Variants in RBFOX2 observed in about 807,000 individuals in gnomAD.
The protein encoded by RBFOX2 is RNA binding protein fox-1 homolog 2.
In RBFOX2, 10 loss-of-function variants were observed where a neutral mutation model predicts 49.1. That is an observed-to-expected ratio of 0.20 (90% CI 0.13 to 0.35). The LOEUF is 0.35. Among genes scored for constraint, RBFOX2 ranks in the 10% least tolerant of loss-of-function variants. The pLI is 1.00. For synonymous variants in RBFOX2, 183 were observed against 187.4 expected (o/e 0.98, Z 0.19); for missense variants, 323 against 486.9 (o/e 0.66, Z 3.17).
chr22:35,897,688 G>A (rs1056019653), intron 1 of RBFOX2: 1 of 1,170,722 alleles, frequency 8.5e-7, no homozygotes, highest in Non-Finnish European at 1.3e-6. Flanking sequence ...GACGTATACT[G>A]GTTGTTTAAC....
intron 1 of RBFOX2, among the ~76,000 whole-genome samples, chr22:36,013,994 A>G (rs1439803539): frequency 1.3e-5 from 2 of 151,996 alleles, no homozygotes; most frequent in Non-Finnish European, 2.9e-5. Flanking sequence ...CAGCATCACA[A>G]CGTCTGCTTA....
chr22:35,806,043 T>C (rs1315058135), intron 2 of RBFOX2, among the ~76,000 whole-genome samples: 1 of 152,192 alleles, frequency 6.6e-6, no homozygotes, highest in African/African-American at 2.4e-5. Context: ...TTACTTTTTG[T>C]GATGCTATAA....
intron 1 of RBFOX2, among the ~76,000 whole-genome samples, chr22:35,875,605 A>AGG (rs3220048): frequency 0.012 from 1,262 of 108,872 alleles, 6 homozygotes; most frequent in South Asian, 0.02. Context: ...AATGCTCACA[A>AGG]GGGTGTGTGT....
At chr22:35,822,085 CCT>C (rs1328973879) in intron 1 of RBFOX2, 1 of 448,618 alleles carries the variant, frequency 2.2e-6, no homozygotes, top group Non-Finnish European at 4.5e-6. Context: ...CTCCTGCTTT[CCT>C]GAGATGGTAC....
At chr22:35,908,289 T>C (rs569244211) in intron 1 of RBFOX2, among the ~76,000 whole-genome samples, 13 of 152,314 alleles carry the variant, frequency 8.5e-5, no homozygotes, top group Middle Eastern at 3.4e-3. Context: ...CAACTTACAA[T>C]GGGATTTTGT....
chr22:35,984,104 C>T (rs1358297920), intron 1 of RBFOX2, among the ~76,000 whole-genome samples: 1 of 152,106 alleles, frequency 6.6e-6, no homozygotes, highest in Admixed American at 6.5e-5. Context: ...TTACAACAAG[C>T]TTCAAAAATC....
At chr22:35,945,602 G>A (rs893116582) in intron 1 of RBFOX2, among the ~76,000 whole-genome samples, 2 of 152,018 alleles carry the variant, frequency 1.3e-5, no homozygotes, top group African/African-American at 2.4e-5. Context: ...CACTACACCC[G>A]GCTAATTTTG....
intron 1 of RBFOX2, among the ~76,000 whole-genome samples, chr22:35,919,763 A>G (rs2050826565): frequency 6.6e-6 from 1 of 152,218 alleles, no homozygotes; most frequent in African/African-American, 2.4e-5. Context: ...GGAAATTTTA[A>G]TGAGGGAACT....
chr22:35,797,261 T>C (rs576894645), intron 2 of RBFOX2, among the ~76,000 whole-genome samples: 27 of 152,278 alleles, frequency 1.8e-4, no homozygotes, highest in African/African-American at 6.5e-4. Flanking sequence ...AACTAATATA[T>C]TTGAGTGCCA....
chr22:35,975,849 G>A (rs2057120118), intron 1 of RBFOX2, among the ~76,000 whole-genome samples: 1 of 152,120 alleles, frequency 6.6e-6, no homozygotes, highest in Non-Finnish European at 1.5e-5. Context: ...TAATTCTGCT[G>A]TCATTCCAGA....
At chr22:35,984,214 T>C (rs1320020732) in intron 1 of RBFOX2, among the ~76,000 whole-genome samples, 2 of 152,162 alleles carry the variant, frequency 1.3e-5, no homozygotes, top group Non-Finnish European at 2.9e-5. Flanking sequence ...ACCTGATTCC[T>C]GGGTCCTGCC....
intron 1 of RBFOX2, among the ~76,000 whole-genome samples, chr22:35,876,940 C>T (rs1420256993): frequency 2.0e-5 from 3 of 152,102 alleles, no homozygotes; most frequent in African/African-American, 4.8e-5. Flanking sequence ...ATACTTTTCC[C>T]CCAGATCACC....
chr22:35,867,011 C>T (rs1016396385), intron 1 of RBFOX2, among the ~76,000 whole-genome samples: 4 of 152,220 alleles, frequency 2.6e-5, no homozygotes, highest in African/African-American at 7.2e-5. Flanking sequence ...TGTAAGAAAA[C>T]GCCTTTATTC....
At chr22:35,837,605 T>C (rs1957921729) in intron 1 of RBFOX2, among the ~76,000 whole-genome samples, 1 of 152,114 alleles carries the variant, frequency 6.6e-6, no homozygotes, top group Admixed American at 6.6e-5. Context: ...GTTTTCCCCC[T>C]AGATTACTAA....
At chr22:35,765,393 A>ACTTCATATATTT in intron 6 of RBFOX2, 30 bp downstream of exon 7, 1 of 1,446,304 alleles carries the variant, frequency 6.9e-7, no homozygotes, top group Non-Finnish European at 9.6e-7. Flanking sequence ...CACAAGAATA[A>ACTTCATATATTT]ACACTCTTTC....
chr22:35,933,926 T>TTTTA (rs372778968), intron 1 of RBFOX2, among the ~76,000 whole-genome samples: 1,601 of 117,982 alleles, frequency 0.014, 13 homozygotes, highest in Non-Finnish European at 0.021. Context: ...TAATTAAATG[T>TTTTA]TATATATATA....
At chr22:36,022,056 AG>A (rs2059265133) in intron 1 of RBFOX2, among the ~76,000 whole-genome samples, 1 of 152,190 alleles carries the variant, frequency 6.6e-6, no homozygotes, top group African/African-American at 2.4e-5. Context: ...CTGCCTTTGA[AG>A]GAAGTGCACA....
At chr22:35,979,167 T>G (rs1360333948) in intron 1 of RBFOX2, among the ~76,000 whole-genome samples, 1 of 152,092 alleles carries the variant, frequency 6.6e-6, no homozygotes, top group Non-Finnish European at 1.5e-5. Flanking sequence ...ACTGCTGTCA[T>G]GAAGAAACAG....
At chr22:35,948,353 A>G (rs2149819766) in intron 1 of RBFOX2, among the ~76,000 whole-genome samples, 1 of 152,328 alleles carries the variant, frequency 6.6e-6, no homozygotes, top group East Asian at 1.9e-4. Flanking sequence ...TTTTAAAAAA[A>G]TAAAATAAAA....
Sources: allele counts gnomAD v4.1 joint callset (sites outside exome capture counted in the v4.1 genomes callset), GRCh38; gene constraint gnomAD v4.1.1; transcripts MANE v1.5; gene names NCBI Gene and HGNC (gene_info 2026-07-23, HGNC 2026-07-21).